INPP5D: variants seen among roughly 807,000 people sequenced by gnomAD.
INPP5D encodes the protein inositol polyphosphate-5-phosphatase D.
Under a neutral mutation model 122.9 loss-of-function variants are expected in INPP5D, and 33 were observed. That is an observed-to-expected ratio of 0.27 (90% CI 0.20 to 0.36). The LOEUF is 0.36. INPP5D is among the 10% of genes least tolerant of loss of function. The pLI, the probability that INPP5D is intolerant of heterozygous loss-of-function variation, is 1.00. For synonymous variants in INPP5D, 584 were observed against 576.2 expected (o/e 1.01, Z -0.19); for missense variants, 1,053 against 1,412.7 (o/e 0.75, Z 4.08).
rs188131553 is a variant in INPP5D, at chr2:233,156,857, G to A, written c.1031-1456G>A. ...GCACAGCAAGCCACTCATCAGCTCT[G>A]GGAGTGGTGGGAGCCCTCCCGAAAT... On this transcript the variant is annotated intron_variant, in intron 9 of 26. Coordinates refer to ENST00000445964, the MANE Select transcript of INPP5D (RefSeq NM_001017915.3). 1.1e-3 allele frequency among the ~76,000 whole-genome samples: 166 copies of A among 152,306 alleles called. 1 individual carries two copies. Among genetic ancestry groups the A allele is most frequent in the African/African-American group, 3.5e-3 (146 of 41,576 alleles).
Position 233,122,369 on chromosome 2 carries a change from T to C in INPP5D, c.349+112T>C, listed in dbSNP as rs748919812. ...TATTATCAGAGGGAGATTGTTGGCGTGGGGGTTAAGGACAAGTTAGGAACA... is the reference window on the plus strand; with the variant it reads ...TATTATCAGAGGGAGATTGTTGGCGCGGGGGTTAAGGACAAGTTAGGAACA... On this transcript the variant is annotated intron_variant, in intron 3 of 26. Transcript: ENST00000445964. 3.4e-4 allele frequency: 403 copies of C among 1,202,026 alleles called. 1 individual carries two copies. The highest frequency in any genetic ancestry group is 4.1e-4 in the Non-Finnish European group (356 of 866,772). The allele number at this position is 1,202,026 out of a possible 1,614,324, so 74.5% of individuals were successfully genotyped here.
intron 1 of INPP5D, among the ~76,000 whole-genome samples, chr2:233,070,465 G>T (rs1478179013): frequency 2.0e-5 from 3 of 150,536 alleles, no homozygotes; most frequent in Non-Finnish European, 4.4e-5. Flanking sequence ...TTTCGAGATG[G>T]TGTCTCTGTC....
intron 1 of INPP5D, among the ~76,000 whole-genome samples, chr2:233,077,661 CAAAAAAAAAA>C (rs36042957): frequency 2.2e-5 from 1 of 46,464 alleles, no homozygotes; most frequent in African/African-American, 8.4e-5. Context: ...AACTCTGTCT[CAAAAAAAAAA>C]AAAAAAAAAA....
intron 2 of INPP5D, among the ~76,000 whole-genome samples, chr2:233,110,371 T>A (rs370441595): frequency 0.04 from 5,901 of 146,700 alleles, 161 homozygotes; most frequent in African/African-American, 0.076. Context: ...TTTATTTTTA[T>A]TTTTTTTTAA....
chr2:233,142,495 C>T (rs989324753), intron 6 of INPP5D, among the ~76,000 whole-genome samples: 4 of 152,170 alleles, frequency 2.6e-5, no homozygotes, highest in African/African-American at 9.7e-5. Context: ...CCCTGCTAGA[C>T]TCTCACCAAC....
intron 2 of INPP5D, among the ~76,000 whole-genome samples, chr2:233,111,395 T>C (rs1692625118): frequency 6.6e-6 from 1 of 152,240 alleles, no homozygotes; most frequent in Non-Finnish European, 1.5e-5. Context: ...TTCCCCCTTC[T>C]GGGCTGAGGC....
chr2:233,165,750 C>T (rs1344843238), intron 13 of INPP5D, among the ~76,000 whole-genome samples: 2 of 145,960 alleles, frequency 1.4e-5, no homozygotes, highest in East Asian at 4.4e-4. Context: ...ATCTGTGAGT[C>T]CATGTGTCTG....
intron 1 of INPP5D, chr2:233,076,204 T>C (rs1453670694): frequency 6.6e-6 from 1 of 152,158 alleles, no homozygotes; most frequent in Non-Finnish European, 1.5e-5. Context: ...TTTGCATACC[T>C]ACAGGAGGAA....
intron 5 of INPP5D, among the ~76,000 whole-genome samples, chr2:233,137,886 A>ATATGTG (rs1693527991): frequency 1.9e-5 from 1 of 52,058 alleles, no homozygotes; most frequent in Non-Finnish European, 5.6e-5. Context: ...ATATATATAT[A>ATATGTG]TATATATATA....
chr2:233,161,877 C>T (rs2106293515), intron 11 of INPP5D, 51 bp downstream of exon 11: 1 of 1,570,242 alleles, frequency 6.4e-7, no homozygotes, highest in South Asian at 1.2e-5. Context: ...TTCTGCTTTC[C>T]TGACTCAGGC....
At chr2:233,124,752 C>G (rs887723545) in intron 3 of INPP5D, among the ~76,000 whole-genome samples, 1 of 152,262 alleles carries the variant, frequency 6.6e-6, no homozygotes, top group African/African-American at 2.4e-5. Context: ...GGAGGAAGAT[C>G]CCGACAAGTT....
At chr2:233,180,605 T>A (rs1276844750) in intron 18 of INPP5D, among the ~76,000 whole-genome samples, 1 of 152,226 alleles carries the variant, frequency 6.6e-6, no homozygotes, top group Non-Finnish European at 1.5e-5. Flanking sequence ...AGTGGCACCA[T>A]CCTGGCTCAC....
chr2:233,105,704 C>T lies in INPP5D; in HGVS notation c.199-16403C>T, dbSNP rs1197608934. Among the ~76,000 whole-genome samples, 1 of 152,216 alleles carries T rather than the reference C, an allele frequency of 6.6e-6. No individual in the cohort carries two copies. Among genetic ancestry groups the T allele is most frequent in the Non-Finnish European group, 1.5e-5 (1 of 68,048 alleles). On this transcript the variant is annotated intron_variant, in intron 2 of 26. Transcript: ENST00000445964. The surrounding 1 kb of genome is among the most constrained non-coding windows in gnomAD (Gnocchi z 4.0). ...CACCACCAGCTCTGCTTTCCTTCAG[C>T]CCTGCCCAGGGCAGCAGGTGATCGT... is the stretch of plus-strand genomic sequence containing the variant.
intron 2 of INPP5D, among the ~76,000 whole-genome samples, chr2:233,098,991 G>A (rs951902242): frequency 1.2e-4 from 15 of 121,164 alleles, no homozygotes; most frequent in Middle Eastern, 5.0e-3. Flanking sequence ...TCACTCTGTC[G>A]TCCAGGCTGG....
At chr2:233,169,134 C>G (rs1030920194) in intron 13 of INPP5D, among the ~76,000 whole-genome samples, 171 bp from the exon 14 acceptor site, 2 of 152,170 alleles carry the variant, frequency 1.3e-5, no homozygotes, top group Non-Finnish European at 2.9e-5. Flanking sequence ...CCTGCATTTT[C>G]TCATCTCCCG....
chr2:233,182,713 G>C (rs1420625006), intron 19 of INPP5D, among the ~76,000 whole-genome samples: 2 of 152,102 alleles, frequency 1.3e-5, no homozygotes, highest in East Asian at 3.9e-4. Flanking sequence ...TCAGCCTTTT[G>C]AGCCTCAATT....
At chr2:233,194,699 C>T (rs772511473) in intron 23 of INPP5D, among the ~76,000 whole-genome samples, 1 of 151,992 alleles carries the variant, frequency 6.6e-6, no homozygotes, top group African/African-American at 2.4e-5. Context: ...GGTTTCACCA[C>T]GTTGACTAGG....
At chr2:233,114,109 T>C (rs901126912) in intron 2 of INPP5D, among the ~76,000 whole-genome samples, 95 of 152,198 alleles carry the variant, frequency 6.2e-4, no homozygotes, top group African/African-American at 2.1e-3. Flanking sequence ...GGGGTTTCAC[T>C]GTGTTAGCCA....
intron 2 of INPP5D, among the ~76,000 whole-genome samples, chr2:233,121,278 C>T (rs1195811872): frequency 4.0e-5 from 6 of 151,184 alleles, no homozygotes; most frequent in Admixed American, 6.6e-5. Flanking sequence ...ATTACAGGTG[C>T]GCACCACCAC....
Sources: allele counts gnomAD v4.1 joint callset (sites outside exome capture counted in the v4.1 genomes callset), GRCh38; gene constraint gnomAD v4.1.1; non-coding constraint Gnocchi (gnomAD v3.1); transcripts MANE v1.5; gene names NCBI Gene and HGNC (gene_info 2026-07-23, HGNC 2026-07-21).